Variants in PAX6 observed in about 807,000 individuals in gnomAD.
The protein encoded by PAX6 is paired box protein Pax-6.
A neutral mutation model predicts 60.7 loss-of-function variants in PAX6; 7 were observed. That is an observed-to-expected ratio of 0.12 (90% CI 0.07 to 0.22). PAX6 has a LOEUF of 0.22. PAX6 is among the 10% of genes least tolerant of loss of function. The probability of loss-of-function intolerance (pLI) is 1.00; values close to 1 mark genes in which losing one functional copy is unlikely to be tolerated. For synonymous variants in PAX6, 208 were observed against 201.2 expected (o/e 1.03, Z -0.29); for missense variants, 355 against 555.2 (o/e 0.64, Z 3.62).
intron 8 of PAX6, among the ~76,000 whole-genome samples, chr11:31,799,808 G>T (rs983888349): frequency 2.0e-5 from 3 of 152,170 alleles, no homozygotes; most frequent in Non-Finnish European, 4.4e-5. Context: ...GAGACGCCAC[G>T]TCCCATTATC....
Position 31,799,816 on chromosome 11 carries a change from AT to A in PAX6, c.565+874del, listed in dbSNP as rs1952963883. Among the ~76,000 whole-genome samples the A allele has an allele frequency of 1.3e-5, 2 of 152,138 alleles. 1 individual carries two copies. Among genetic ancestry groups the A allele is most frequent in the South Asian group, 4.1e-4 (2 of 4,828 alleles). On this transcript the variant is annotated intron_variant, in intron 8 of 13. Coordinates refer to ENST00000640368, the MANE Select transcript of PAX6 (RefSeq NM_001368894.2). ...TGGGAGTGAGACGCCACGTCCCATT[AT>A]CCCGCATATTATCTCCTTGTCACGA...
chr11:31,789,332 T>A lies in PAX6; in HGVS notation c.*602A>T. On this transcript the variant is annotated 3_prime_UTR_variant, in exon 14 of 14. Transcript: ENST00000640368. Reference sequence around the variant, plus strand: ...ACCTTTTAGCTATCAACTTTTTTTCTTCCTTGAATTTATATCTTACCCTTT... The same window carrying A: ...ACCTTTTAGCTATCAACTTTTTTTCATCCTTGAATTTATATCTTACCCTTT... 4.0e-6 allele frequency: 1 copy of A among 252,006 alleles called. No individual in the cohort carries two copies. Among genetic ancestry groups the A allele is most frequent in the Non-Finnish European group, 7.6e-6 (1 of 131,828 alleles). 15.6% of individuals were successfully genotyped at this position (252,006 alleles called of 1,614,324 possible).
intron 4 of PAX6, chr11:31,804,069 G>C (rs1191874529): frequency 6.6e-6 from 1 of 152,174 alleles, no homozygotes; most frequent in East Asian, 1.9e-4. Flanking sequence ...CCAGGAGCCT[G>C]AGCTTCTTAG....
chr11:31,807,571 A>C (rs1956122248), intron 2 of PAX6: 1 of 152,162 alleles, frequency 6.6e-6, no homozygotes, highest in Non-Finnish European at 1.5e-5. Context: ...ATTGTGATTA[A>C]CTTCTCTTTT....
chr11:31,814,417 T>A (rs1056614396), upstream of PAX6: 1 of 152,312 alleles, frequency 6.6e-6, no homozygotes, highest in Non-Finnish European at 1.5e-5. Flanking sequence ...TGGGGGGAAG[T>A]GCCTCCAGCT....
intron 2 of PAX6, chr11:31,810,188 G>A (rs1458461152): frequency 2.6e-5 from 4 of 152,442 alleles, no homozygotes; most frequent in African/African-American, 4.8e-5. Flanking sequence ...CTGCCTTGCC[G>A]ACTGACTCCA....
intron 5 of PAX6, chr11:31,802,334 G>T: frequency 3.1e-6 from 1 of 320,790 alleles, no homozygotes; most frequent in South Asian, 4.4e-5. Context: ...GTAAGCATGG[G>T]CTGGGGAGAG....
intron 13 of PAX6, chr11:31,790,328 A>G (rs1212020632): frequency 2.9e-6 from 2 of 691,802 alleles, no homozygotes; most frequent in Non-Finnish European, 4.1e-6. Flanking sequence ...TGGAAAACCA[A>G]TGTGTCACTT....
chr11:31,797,389 A>C (rs963316376), intron 8 of PAX6, among the ~76,000 whole-genome samples: 1 of 152,078 alleles, frequency 6.6e-6, no homozygotes, highest in Non-Finnish European at 1.5e-5. Flanking sequence ...TCTCACACAA[A>C]CATACACACG....
intron 8 of PAX6, 96 bp downstream of exon 8, chr11:31,800,595 A>G: frequency 7.0e-7 from 1 of 1,429,168 alleles, no homozygotes; most frequent in Non-Finnish European, 9.8e-7. Flanking sequence ...ACATTCCCCA[A>G]GCATGGAAGC....
chr11:31,814,802 C>G (rs1957295260), upstream of PAX6: 1 of 152,506 alleles, frequency 6.6e-6, no homozygotes, highest in Non-Finnish European at 1.5e-5. Flanking sequence ...CCTCGCCGAG[C>G]CCAGAGCCTA....
chr11:31,806,229 C>T, intron 4 of PAX6, 173 bp downstream of exon 4: 1 of 613,534 alleles, frequency 1.6e-6, no homozygotes, highest in Non-Finnish European at 2.7e-6. Context: ...CAAGCAAACG[C>T]CCTCCCCTCC....
chr11:31,806,562 G>T, intron 3 of PAX6, 100 bp from the exon 4 acceptor site: 1 of 917,564 alleles, frequency 1.1e-6, no homozygotes. Context: ...GAGAATCTCC[G>T]TTCTTTAGGA....
intron 4 of PAX6, chr11:31,804,349 T>G (rs1955069275): frequency 6.6e-6 from 1 of 152,226 alleles, no homozygotes; most frequent in Non-Finnish European, 1.5e-5. Context: ...TCCGTCCTTA[T>G]TTGTAGATCA....
chr11:31,806,106 G>T (rs557649190), intron 4 of PAX6: 1 of 445,952 alleles, frequency 2.2e-6, no homozygotes, highest in Non-Finnish European at 3.9e-6. Flanking sequence ...GGGGCGAGAG[G>T]GGGTGTGAGT....
intron 8 of PAX6, among the ~76,000 whole-genome samples, chr11:31,798,713 C>G (rs914395531): frequency 1.3e-5 from 2 of 152,180 alleles, no homozygotes; most frequent in Non-Finnish European, 2.9e-5. Flanking sequence ...AGCAACTAGG[C>G]GCGTTAAAGT....
At position 31,793,684 on chromosome 11, in the gene PAX6, A is replaced by G; in HGVS notation, c.926T>C (p.Val309Ala). 1 of 1,614,198 alleles carries G rather than the reference A, an allele frequency of 6.2e-7. No individual in the cohort carries two copies. Among genetic ancestry groups the G allele is most frequent in the Non-Finnish European group, 8.5e-7 (1 of 1,180,022 alleles). The part of the protein sequence containing the change: ...IPISSSFSTS[V>A]YQPIPQPTTP... Reference sequence around the variant, plus strand: ...GGTGGGTTGTGGAATTGGTTGGTAGACACTGGTGCTGAAACTACTGCTGAT... The same window carrying G: ...GGTGGGTTGTGGAATTGGTTGGTAGGCACTGGTGCTGAAACTACTGCTGAT... The change falls in exon 11 of 14, where the codon GTC (valine) becomes GCC (alanine). Residue 309 changes from valine (V) to alanine (A), a missense_variant. Transcript: ENST00000640368.
intron 4 of PAX6, chr11:31,805,700 A>C (rs908722412): frequency 2.0e-5 from 3 of 152,702 alleles, no homozygotes; most frequent in African/African-American, 7.2e-5. Flanking sequence ...AGGGAGGTAC[A>C]AGGGCCATAA....
chr11:31,795,846 G>T (rs868422782), intron 8 of PAX6, among the ~76,000 whole-genome samples: 3 of 152,380 alleles, frequency 2.0e-5, no homozygotes, highest in Middle Eastern at 3.4e-3. Context: ...GCCACTACAG[G>T]CTGGGTCCTG....
Sources: gnomAD v4.1 joint callset for allele counts (sites outside exome capture counted in the v4.1 genomes callset) on GRCh38, gnomAD v4.1.1 for gene constraint, MANE v1.5 for transcripts, NCBI Gene and HGNC (gene_info 2026-07-23, HGNC 2026-07-21) for gene names.